Variants in ABCA7 observed in about 807,000 individuals in gnomAD.
The protein encoded by ABCA7 is phospholipid-transporting ATPase ABCA7.
In ABCA7, 261 loss-of-function variants were observed where a neutral mutation model predicts 227.6. The ratio of observed to expected loss-of-function variants is 1.15; its 90% CI spans 1.04 to 1.27. The LOEUF (loss-of-function observed/expected upper bound fraction) is 1.27, where lower values mean the gene tolerates loss of function less well. Among genes scored for constraint, ABCA7 ranks in the 50% most tolerant of loss-of-function variants. ABCA7 has a pLI of 0.00. For synonymous variants in ABCA7, 1,488 were observed against 1,279.7 expected, an observed-to-expected ratio of 1.16 and a Z score of -3.47; for missense variants, 3,331 against 2,924.5, an observed-to-expected ratio of 1.14 and a Z score of -3.21.
chr19:1,046,987 T>C lies in ABCA7; in HGVS notation c.1808T>C (p.Phe603Ser), dbSNP rs1051237926. ...LGWFLSCLGP[F>S]LLSAALLVLV... ...TGGTTCCTCAGCTGCCTCGGGCCCTTCCTGCTCAGCGCCGCACTGCTGGTT... is the reference window on the plus strand; with the variant it reads ...TGGTTCCTCAGCTGCCTCGGGCCCTCCCTGCTCAGCGCCGCACTGCTGGTT... The change falls in exon 14 of 47, where the codon TTC becomes TCC. Residue 603 changes from phenylalanine to serine, a missense_variant. Coordinates refer to ENST00000263094, the MANE Select transcript of ABCA7 (RefSeq NM_019112.4). 1.5e-4 allele frequency: 234 copies of C among 1,580,048 alleles called. No individual in the cohort carries two copies. The highest frequency in any genetic ancestry group is 2.0e-4 in the Non-Finnish European group (230 of 1,166,570).
chr19:1,056,259 G>T lies in ABCA7; in HGVS notation c.4416+16G>T, dbSNP rs369332540. 1 of 1,589,250 alleles carries T rather than the reference G, an allele frequency of 6.3e-7. No homozygotes were observed. Among genetic ancestry groups the T allele is most frequent in the Admixed American group, 1.7e-5 (1 of 59,328 alleles). On this transcript the variant is annotated intron_variant, in intron 32 of 46. Transcript: ENST00000263094. This position sits in a 1 kb window ranked among gnomAD's most constrained non-coding sequence, Gnocchi z 4.3. The stretch of plus-strand genomic sequence containing the variant: ...CAGTCTCAAGGTGGGAACTGGGGGG[G>T]CAGGTGGGCGTCCTGTCACAGCAAG...
At position 1,054,336 on chromosome 19, in the gene ABCA7, G is replaced by A. The variant is rs747634923; in HGVS notation, c.3721G>A (p.Ala1241Thr). The stretch of plus-strand genomic sequence containing the variant: ...CCGCCGCAGCCGCCGCGGCCTGTTC[G>A]CCCAGGTGAGGAGGGCTAGCACCAG... ...LARRSRRGLFAQIVLPALFVG... is the reference protein window; with the variant it reads ...LARRSRRGLFTQIVLPALFVG... The change falls in exon 27 of 47, where the codon GCC (alanine) becomes ACC (threonine). Residue 1241 changes from alanine (A) to threonine (T), a missense_variant. Coordinates refer to ENST00000263094, the MANE Select transcript of ABCA7 (RefSeq NM_019112.4). The surrounding 1 kb of genome is among the most constrained non-coding windows in gnomAD (Gnocchi z 4.8). 2.0e-5 allele frequency: 32 copies of A among 1,596,066 alleles called. No individual in the cohort carries two copies. Among genetic ancestry groups the A allele is most frequent in the African/African-American group, 6.7e-5 (5 of 74,776 alleles).
rs557493808 is a variant in ABCA7 at position 1,048,933 on chromosome 19, C to T, written c.2308C>T (p.Arg770Trp). Residue 770 changes from arginine (R) to tryptophan (W), a missense_variant, in exon 17 of 47, where the codon CGG becomes TGG. Arg to Trp is a moderately radical substitution (Grantham distance 101). Transcript: ENST00000263094. ...CCCTGAACCATGGAATTTTCCTTTT[C>T]GGAGGAGCTACTGGTGCGGACCTCG... Reference protein sequence around the residue: ...GIPEPWNFPFRRSYWCGPRPP... With the variant: ...GIPEPWNFPFWRSYWCGPRPP... 46 of 1,609,626 alleles carry T rather than the reference C, an allele frequency of 2.9e-5. No individual in the cohort carries two copies. In the Middle Eastern group the frequency reaches 5.0e-4, roughly 17 times the overall value.
intron 30 of ABCA7, 120 bp downstream of exon 30, chr19:1,055,471 C>A (rs2042163920): frequency 1.0e-6 from 1 of 968,860 alleles, no homozygotes; most frequent in Non-Finnish European, 1.4e-6. Flanking sequence ...GGGCTACGGG[C>A]TGGGAGTCTC....
chr19:1,049,290 G>A lies in ABCA7; in HGVS notation c.2405G>A (p.Gly802Asp). The change falls in exon 18 of 47, where the codon GGC becomes GAC. Residue 802 changes from glycine to aspartate, a missense_variant. Gly to Asp is a moderately conservative substitution (Grantham distance 94). Coordinates refer to ENST00000263094, the MANE Select transcript of ABCA7 (RefSeq NM_019112.4). Reference sequence around the variant, plus strand: ...GTGCTGGTAGAAGAGGCACCGCCCGGCCTGAGTCCTGGCGTCTCCGTTCGC... The same window carrying A: ...GTGCTGGTAGAAGAGGCACCGCCCGACCTGAGTCCTGGCGTCTCCGTTCGC... ...PKVLVEEAPP[G>D]LSPGVSVRSL... 3.1e-6 allele frequency: 5 copies of A among 1,609,736 alleles called. No homozygotes were observed. The highest frequency in any genetic ancestry group is 4.2e-6 in the Non-Finnish European group (5 of 1,178,006).
At position 1,058,917 on chromosome 19, in the gene ABCA7, T is replaced by C. The variant is rs1242294305; in HGVS notation, c.5377T>C (p.Leu1793=). 6.3e-7 allele frequency: 1 copy of C among 1,598,174 alleles called. No individual in the cohort carries two copies. Among genetic ancestry groups the C allele is most frequent in the Non-Finnish European group, 8.6e-7 (1 of 1,169,212 alleles). The part of the protein sequence containing the change: ...VVQGATQGDV[L]VLRNLTKVYR... Reference sequence around the variant, plus strand: ...CCAAGGAGCCACCCAGGGGGATGTGTTGGTGCTGAGGAACTTGACCAAGGT... The same window carrying C: ...CCAAGGAGCCACCCAGGGGGATGTGCTGGTGCTGAGGAACTTGACCAAGGT... The change falls in exon 39 of 47, where the codon TTG becomes CTG. Residue 1793 remains leucine, a synonymous_variant. Coordinates refer to ENST00000263094, the MANE Select transcript of ABCA7 (RefSeq NM_019112.4).
Position 1,047,152 on chromosome 19 carries a change from C to T in ABCA7, c.1846-5C>T, listed in dbSNP as rs778365006. ...TGCACCCTAAGCTCCCGTTGCCTCT[C>T]ACAGCTGGGAGACATCCTCCCCTAC... On this transcript the variant is annotated splice_polypyrimidine_tract_variant and splice_region_variant and intron_variant, in intron 14 of 46. Coordinates refer to ENST00000263094, the MANE Select transcript of ABCA7 (RefSeq NM_019112.4). 1.3e-6 allele frequency: 2 copies of T among 1,599,064 alleles called. No homozygotes were observed. Among genetic ancestry groups the T allele is most frequent in the Non-Finnish European group, 1.7e-6 (2 of 1,175,118 alleles).
intron 12 of ABCA7, 170 bp downstream of exon 12, chr19:1,045,401 G>A (rs1011294473): frequency 1.5e-6 from 1 of 682,808 alleles, no homozygotes; most frequent in South Asian, 1.9e-5. Context: ...ATAGGGGCCC[G>A]TGATGGGCGG....
At position 1,042,376 on chromosome 19, in the gene ABCA7, GC is replaced by G; in HGVS notation, c.478del (p.Leu160Ter). On this transcript the variant is annotated frameshift_variant, in exon 6 of 47. Transcript: ENST00000263094. LOFTEE classifies it high-confidence loss of function. Reference protein sequence around the residue: ...EPPMLDVAELLTSLLRTESLG... With the variant: ...EPPMLDVAELXTSLLRTESLG... ...CACCCATGCTGGATGTCGCGGAGCT[GC>G]TGACGTCACTGCTGCGCACGGTAGG... 1 of 1,607,004 alleles carries G rather than the reference GC, an allele frequency of 6.2e-7. No individual in the cohort carries two copies. Among genetic ancestry groups the G allele is most frequent in the South Asian group, 1.1e-5 (1 of 90,748 alleles).
Position 1,057,060 on chromosome 19 carries a change from G to A in ABCA7, c.4740G>A (p.Trp1580Ter). Reference sequence around the variant, plus strand: ...GGGGCCTGTCCCCCACCCTCTACTGGCTTGGCAACTTTCTCTGGGACATGG... The same window carrying A: ...GGGGCCTGTCCCCCACCCTCTACTGACTTGGCAACTTTCTCTGGGACATGG... ...LMGGLSPTLYWLGNFLWDMCN... is the reference protein window; with the variant it reads ...LMGGLSPTLY Residue 1580 changes from tryptophan to a stop codon, truncating the protein, a stop_gained, in exon 34 of 47, where the codon TGG (tryptophan) becomes TGA (stop). Coordinates refer to ENST00000263094, the MANE Select transcript of ABCA7 (RefSeq NM_019112.4). LOFTEE classifies it high-confidence loss of function. The A allele has an allele frequency of 6.2e-7, 1 of 1,613,238 alleles. No individual in the cohort carries two copies. The highest frequency in any genetic ancestry group is 8.5e-7 in the Non-Finnish European group (1 of 1,179,854).
At chr19:1,058,357 C>A in intron 37 of ABCA7, 88 bp downstream of exon 37, 1 of 1,539,660 alleles carries the variant, frequency 6.5e-7, no homozygotes, top group Non-Finnish European at 8.7e-7. Flanking sequence ...TGGAGAAAAA[C>A]AGCCCCCCAG....
intron 10 of ABCA7, 49 bp downstream of exon 10, chr19:1,043,890 G>A: frequency 6.5e-7 from 1 of 1,550,104 alleles, no homozygotes; most frequent in African/African-American, 1.4e-5. Context: ...GGTGAGGAGG[G>A]TAGACAGGCC....
At chr19:1,044,923 C>G (rs372454069) in intron 11 of ABCA7, 79 bp from the exon 12 acceptor site, 3 of 1,549,746 alleles carry the variant, frequency 1.9e-6, no homozygotes, top group Non-Finnish European at 2.6e-6. Flanking sequence ...GGCCCAGCCC[C>G]GAGGTCCAGG....
rs2041534504 is a variant in ABCA7 at position 1,050,814 on chromosome 19, AT to A, written c.2553-106del. The A allele has an allele frequency of 3.7e-5, 22 of 592,534 alleles. 1 individual carries two copies. The highest frequency in any genetic ancestry group is 4.5e-5 in the Admixed American group (1 of 22,262). The allele number at this position is 592,534 out of a possible 1,614,324, so 36.7% of individuals were successfully genotyped here. Reference sequence around the variant, plus strand: ...AATAATAATAATAATAATAATAATAATAATAAATAATTAAAAATTTTTTAAA... The same window carrying A: ...AATAATAATAATAATAATAATAATAAAATAAATAATTAAAAATTTTTTAAA... On this transcript the variant is annotated intron_variant, in intron 18 of 46. Transcript: ENST00000263094.
chr19:1,055,932 G>T lies in ABCA7; in HGVS notation c.4231G>T (p.Glu1411Ter). 6.3e-7 allele frequency: 1 copy of T among 1,593,492 alleles called. No homozygotes were observed. Among genetic ancestry groups the T allele is most frequent in the Non-Finnish European group, 8.6e-7 (1 of 1,168,906 alleles). ...QGLKTKKWVNEVRYGGFSLGG... is the reference protein window; with the variant it reads ...QGLKTKKWVN The stretch of plus-strand genomic sequence containing the variant: ...CCTGAAGACTAAGAAGTGGGTGAAT[G>T]AGGTCAGGTGAGGAGGGGTCTAGCT... The change falls in exon 31 of 47, where the codon GAG (glutamate) becomes TAG (stop). Residue 1411 changes from glutamate (E) to a stop codon, truncating the protein, a stop_gained. Coordinates refer to ENST00000263094, the MANE Select transcript of ABCA7 (RefSeq NM_019112.4). LOFTEE classifies it high-confidence loss of function.
chr19:1,041,931 G>A lies in ABCA7; in HGVS notation c.261G>A (p.Pro87=), dbSNP rs140142327. 7.8e-5 allele frequency: 125 copies of A among 1,596,560 alleles called. No individual in the cohort carries two copies. Among genetic ancestry groups the A allele is most frequent in the East Asian group, 2.5e-4 (11 of 44,808 alleles). ...VNNTCFPQLT[P]GEEPGRLSNF... is the part of the protein sequence containing the mutation. ...ACACCTGCTTTCCGCAGCTGACACCGGGCGAGGAGCCCGGGCGCCTGAGCA... is the reference window on the plus strand; with the variant it reads ...ACACCTGCTTTCCGCAGCTGACACCAGGCGAGGAGCCCGGGCGCCTGAGCA... Residue 87 remains proline, a synonymous_variant, in exon 4 of 47, where the codon CCG becomes CCA. Transcript: ENST00000263094.
In ABCA7 at chr19:1,056,975, G is replaced by T. The variant is rs781580972; in HGVS notation, c.4655G>T (p.Ser1552Ile). ...TTTGCCATGTCCTTTGTCCCGGCCAGCTTCACTCTTGTCCTCATTGAGGAG... is the reference window on the plus strand; with the variant it reads ...TTTGCCATGTCCTTTGTCCCGGCCATCTTCACTCTTGTCCTCATTGAGGAG... ...VVFAMSFVPASFTLVLIEERV... is the reference protein window; with the variant it reads ...VVFAMSFVPAIFTLVLIEERV... The change falls in exon 34 of 47, where the codon AGC (serine) becomes ATC (isoleucine). Residue 1552 changes from serine (S) to isoleucine (I), a missense_variant. Coordinates refer to ENST00000263094, the MANE Select transcript of ABCA7 (RefSeq NM_019112.4). The surrounding 1 kb of genome is among the most constrained non-coding windows in gnomAD (Gnocchi z 4.3). 8.7e-6 allele frequency: 14 copies of T among 1,614,016 alleles called. No homozygotes were observed. In the South Asian group the frequency reaches 1.5e-4, roughly 18 times the overall value.
chr19:1,057,287 T>C (rs759276786), intron 34 of ABCA7, 27 bp from the exon 35 acceptor site: 2 of 1,611,902 alleles, frequency 1.2e-6, no homozygotes, highest in African/African-American at 2.7e-5. Flanking sequence ...TTTAGGCTGA[T>C]AAAGGTAACT....
At position 1,053,426 on chromosome 19, in the gene ABCA7, G is replaced by A. The variant is rs770289153; in HGVS notation, c.3318G>A (p.Thr1106=). ...PHELVLVLPY[T]GAHDGSFATL... ...AGCTGGTGCTGGTGCTGCCCTACAC[G>A]GGTGCCCATGACGGCAGCTTCGCCA... Residue 1106 remains threonine (T), a synonymous_variant, in exon 24 of 47, where the codon ACG becomes ACA. Transcript: ENST00000263094. 8.7e-6 allele frequency: 14 copies of A among 1,606,410 alleles called. No homozygotes were observed. Among genetic ancestry groups the A allele is most frequent in the Admixed American group, 1.7e-5 (1 of 59,418 alleles).
Sources: gnomAD v4.1 joint callset for allele counts on GRCh38, gnomAD v4.1.1 for gene constraint, Gnocchi (gnomAD v3.1) non-coding constraint, MANE v1.5 for transcripts, NCBI Gene and HGNC (gene_info 2026-07-23, HGNC 2026-07-21) for gene names.